EXOC6B: variants seen among roughly 807,000 people sequenced by gnomAD.
The protein encoded by EXOC6B is exocyst complex component 6B, also known as SEC15 homolog B.
EXOC6B carries 54 observed loss-of-function variants against 113.5 expected under a neutral mutation model. That is an observed-to-expected ratio of 0.48 (90% confidence interval 0.38 to 0.60). The LOEUF is 0.60. EXOC6B is among the 20% of genes least tolerant of loss of function. EXOC6B has a pLI of 0.00. For missense variants in EXOC6B, 797 were observed against 977.5 expected, an observed-to-expected ratio of 0.82 and a Z score of 2.46; for synonymous variants, 357 against 339.0, an observed-to-expected ratio of 1.05 and a Z score of -0.58.
intron 6 of EXOC6B, among the ~76,000 whole-genome samples, chr2:72,702,051 C>G (rs1328444663): frequency 1.3e-5 from 2 of 151,654 alleles, no homozygotes; most frequent in African/African-American, 4.9e-5. Context: ...AGGTATATCT[C>G]CCGATGCTAA....
intron 18 of EXOC6B, among the ~76,000 whole-genome samples, chr2:72,460,429 A>C (rs1480158767): frequency 1.3e-5 from 2 of 151,864 alleles, no homozygotes; most frequent in Admixed American, 1.3e-4. Context: ...CAACCTACAA[A>C]ATGGGAGAAA....
intron 3 of EXOC6B, 99 bp downstream of exon 3, chr2:72,732,972 A>C: frequency 1.2e-6 from 1 of 822,018 alleles, no homozygotes; most frequent in South Asian, 1.5e-5. Context: ...TACTTCCAAC[A>C]TACTACTTAC....
At chr2:72,493,271 T>C (rs756488503) in intron 15 of EXOC6B, among the ~76,000 whole-genome samples, 1 of 150,980 alleles carries the variant, frequency 6.6e-6, no homozygotes, top group Non-Finnish European at 1.5e-5. Flanking sequence ...ACTTCGCCTC[T>C]CTGATGAGTT....
intron 1 of EXOC6B, among the ~76,000 whole-genome samples, chr2:72,803,999 T>C (rs145205547): frequency 2.6e-5 from 4 of 152,318 alleles, no homozygotes; most frequent in East Asian, 3.9e-4. Context: ...ATATAGTTCA[T>C]AGAGGTTAGG....
chr2:72,760,269 C>A (rs914444700), intron 1 of EXOC6B, among the ~76,000 whole-genome samples: 9 of 152,160 alleles, frequency 5.9e-5, no homozygotes, highest in African/African-American at 1.9e-4. Flanking sequence ...ATACTCCCAG[C>A]AAACTTCCCT....
At chr2:72,515,631 A>G in intron 8 of EXOC6B, 1 of 989,148 alleles carries the variant, frequency 1.0e-6, no homozygotes, top group Non-Finnish European at 1.2e-6. Flanking sequence ...AACCCAAAAA[A>G]CAAAAACAAA....
intron 1 of EXOC6B, among the ~76,000 whole-genome samples, chr2:72,788,910 G>C (rs1684525425): frequency 6.6e-6 from 1 of 152,186 alleles, no homozygotes; most frequent in Admixed American, 6.5e-5. Flanking sequence ...CTTTGCTTTA[G>C]TTTTCTCCTA....
At chr2:72,441,902 T>G (rs577985122) in intron 18 of EXOC6B, among the ~76,000 whole-genome samples, 108 of 152,326 alleles carry the variant, frequency 7.1e-4, no homozygotes, top group African/African-American at 2.6e-3. Flanking sequence ...ATGCAATCTA[T>G]GAGGCCAGCC....
At chr2:72,772,901 C>T (rs912306389) in intron 1 of EXOC6B, among the ~76,000 whole-genome samples, 1 of 151,914 alleles carries the variant, frequency 6.6e-6, no homozygotes, top group African/African-American at 2.4e-5. Context: ...AATCCCCCCA[C>T]CCAAGGAACA....
At chr2:72,473,366 G>C (rs139451746) in intron 17 of EXOC6B, among the ~76,000 whole-genome samples, 1 of 152,084 alleles carries the variant, frequency 6.6e-6, no homozygotes, top group East Asian at 1.9e-4. Context: ...CTCCAGTGTT[G>C]GATGCCAATA....
chr2:72,303,869 G>A (rs1686679950), intron 20 of EXOC6B, among the ~76,000 whole-genome samples: 1 of 152,212 alleles, frequency 6.6e-6, no homozygotes, highest in South Asian at 2.1e-4. Context: ...GCAGGGGCAG[G>A]ATGGTTGTGC....
intron 6 of EXOC6B, among the ~76,000 whole-genome samples, chr2:72,680,642 G>C (rs947594262): frequency 6.6e-6 from 1 of 151,980 alleles, no homozygotes; most frequent in Non-Finnish European, 1.5e-5. Context: ...GGGATGCTGA[G>C]CCAGGAGAAT....
chr2:72,397,623 A>C (rs1558625531), intron 18 of EXOC6B, among the ~76,000 whole-genome samples: 21 of 134,056 alleles, frequency 1.6e-4, no homozygotes, highest in Non-Finnish European at 1.4e-4. Context: ...ATCTCAAAAA[A>C]AAAAAATAAA....
At chr2:72,653,470 T>C (rs538365890) in intron 6 of EXOC6B, among the ~76,000 whole-genome samples, 2,188 of 147,488 alleles carry the variant, frequency 0.015, 67 homozygotes, top group African/African-American at 0.052. Context: ...GACGAGTTAA[T>C]GGGTGCAGCA....
intron 6 of EXOC6B, among the ~76,000 whole-genome samples, chr2:72,657,594 T>TG (rs1674688380): frequency 6.9e-6 from 1 of 143,998 alleles, no homozygotes; most frequent in Non-Finnish European, 1.5e-5. Context: ...TTTTTTTTTT[T>TG]GTGGAGCTTT....
intron 20 of EXOC6B, among the ~76,000 whole-genome samples, chr2:72,293,398 C>A (rs1685929612): frequency 6.6e-6 from 1 of 152,116 alleles, no homozygotes; most frequent in Non-Finnish European, 1.5e-5. Flanking sequence ...TTGGGGGTAA[C>A]AGCTTTTCCA....
chr2:72,514,514 A>G (rs1204414075), intron 10 of EXOC6B, 120 bp downstream of exon 10: 1 of 192,898 alleles, frequency 5.2e-6, no homozygotes, highest in African/African-American at 2.4e-5. Context: ...AGAATTTCCT[A>G]AGGAAAACCT....
At chr2:72,350,976 T>G (rs1037771033) in intron 19 of EXOC6B, among the ~76,000 whole-genome samples, 1 of 151,900 alleles carries the variant, frequency 6.6e-6, no homozygotes, top group African/African-American at 2.4e-5. Flanking sequence ...TAGGGGAGAG[T>G]CAAGAACCTC....
Position 72,475,222 on chromosome 2 carries a change from CCAGA to C in EXOC6B, c.1800+5390_1800+5393del, listed in dbSNP as rs543582454. Among the ~76,000 whole-genome samples, 36 of 152,172 alleles carry C rather than the reference CCAGA, an allele frequency of 2.4e-4. No homozygotes were observed. The East Asian group carries it at 6.4e-3, about 27-fold the overall frequency. ...TCCAGATGGGCCAATTGTTGAGTTT[CCAGA>C]CAGATTACTTGGATGCCAGCAGTGA... On this transcript the variant is annotated intron_variant, in intron 17 of 21. Coordinates refer to ENST00000272427, the MANE Select transcript of EXOC6B (RefSeq NM_015189.3).
Sources: gnomAD v4.1 joint callset for allele counts (sites outside exome capture counted in the v4.1 genomes callset) on GRCh38, gnomAD v4.1.1 for gene constraint, MANE v1.5 for transcripts, NCBI Gene and HGNC (gene_info 2026-07-23, HGNC 2026-07-21) for gene names.